The following ENTPD1 variants were observed in gnomAD, a reference collection of about 807,000 sequenced individuals.
ENTPD1 encodes the protein ectonucleoside triphosphate diphosphohydrolase 1, also known as ATP diphosphohydrolase.
ENTPD1 carries 33 observed loss-of-function variants against 57.0 expected under a neutral mutation model. The observed-to-expected ratio is 0.58, with a 90% CI of 0.44 to 0.77. ENTPD1 has a LOEUF of 0.77. Among genes scored for constraint, ENTPD1 ranks in the 30% least tolerant of loss-of-function variants. The probability of loss-of-function intolerance (pLI) is 0.00; values close to 1 mark genes in which losing one functional copy is unlikely to be tolerated. For missense variants in ENTPD1, 501 were observed against 603.4 expected (o/e 0.83, Z 1.78); for synonymous variants, 202 against 218.8 (o/e 0.92, Z 0.68).
chr10:95,835,231 G>C (rs2098406890), intron 2 of ENTPD1, among the ~76,000 whole-genome samples: 1 of 152,136 alleles, frequency 6.6e-6, no homozygotes, highest in Non-Finnish European at 1.5e-5. Flanking sequence ...TAGGGTAGTG[G>C]CCTCCAGCTG....
intron 1 of ENTPD1, among the ~76,000 whole-genome samples, chr10:95,735,960 G>T (rs1430919427): frequency 6.6e-6 from 1 of 151,446 alleles, no homozygotes; most frequent in Non-Finnish European, 1.5e-5. Flanking sequence ...AAAACAATAG[G>T]AGTTGTTACG....
intron 1 of ENTPD1, among the ~76,000 whole-genome samples, chr10:95,801,176 C>T (rs531349999): frequency 6.6e-6 from 1 of 152,194 alleles, no homozygotes; most frequent in Admixed American, 6.5e-5. Context: ...CTTCCTGCAA[C>T]AGCTGTGCCG....
At chr10:95,747,354 T>C (rs560889619) in intron 1 of ENTPD1, among the ~76,000 whole-genome samples, 32 of 152,356 alleles carry the variant, frequency 2.1e-4, no homozygotes, top group Non-Finnish European at 4.0e-4. Context: ...ATTCTTGGAA[T>C]TGGCAAAACA....
rs1230718025 is a variant in ENTPD1 at position 95,791,701 on chromosome 10, G to T, written c.17-31536G>T. ...GACTAAGTTAGAGGTTCACAAGGGAGAACTTTGGCTGTACATTAGAATCAC... is the reference window on the plus strand; with the variant it reads ...GACTAAGTTAGAGGTTCACAAGGGATAACTTTGGCTGTACATTAGAATCAC... On this transcript the variant is annotated intron_variant, in intron 1 of 9. Transcript: ENST00000371205. The surrounding 1 kb of genome is among the most constrained non-coding windows in gnomAD (Gnocchi z 4.1). 1.3e-5 allele frequency among the ~76,000 whole-genome samples: 2 copies of T among 152,122 alleles called. No homozygotes were observed. The highest frequency in any genetic ancestry group is 4.8e-5 in the African/African-American group (2 of 41,434).
intron 1 of ENTPD1, among the ~76,000 whole-genome samples, chr10:95,732,758 G>A (rs980637991): frequency 3.9e-5 from 6 of 152,030 alleles, no homozygotes; most frequent in African/African-American, 7.3e-5. Flanking sequence ...CACACATGTC[G>A]GCAGGTTCCA....
intron 1 of ENTPD1, among the ~76,000 whole-genome samples, chr10:95,784,029 C>T (rs938132924): frequency 1.3e-5 from 2 of 150,632 alleles, no homozygotes; most frequent in Non-Finnish European, 2.9e-5. Flanking sequence ...TTGTCTCTTT[C>T]GATTACTATA....
At chr10:95,777,952 A>G (rs961727155) in intron 1 of ENTPD1, among the ~76,000 whole-genome samples, 1 of 152,198 alleles carries the variant, frequency 6.6e-6, no homozygotes. Flanking sequence ...CCGCTGAACC[A>G]TGTGTGGGAT....
chr10:95,769,476 G>T (rs890880453), intron 1 of ENTPD1, among the ~76,000 whole-genome samples: 2 of 152,164 alleles, frequency 1.3e-5, no homozygotes, highest in African/African-American at 4.8e-5. Flanking sequence ...AGTGGAGAAA[G>T]CAAGGAGGTG....
At chr10:95,847,303 G>T in intron 6 of ENTPD1, 143 bp from the exon 7 acceptor site, 2 of 923,648 alleles carry the variant, frequency 2.2e-6, no homozygotes. Flanking sequence ...TATTCCTAAG[G>T]GTAAAAAGGC....
chr10:95,751,798 A>C (rs918695629), upstream of ENTPD1, among the ~76,000 whole-genome samples: 7 of 151,912 alleles, frequency 4.6e-5, no homozygotes, highest in Non-Finnish European at 8.8e-5. Flanking sequence ...TTTGGATGCT[A>C]AGTTTGAGCT....
In ENTPD1 at chr10:95,847,687, C is replaced by T. The variant is rs1452045240; in HGVS notation, c.1055C>T (p.Pro352Leu). 1 of 1,614,182 alleles carries T rather than the reference C, an allele frequency of 6.2e-7. No individual in the cohort carries two copies. The change falls in exon 7 of 10, where the codon CCA becomes CTA. Residue 352 changes from proline (P) to leucine (L), a missense_variant. Pro to Leu is a moderately conservative substitution (Grantham distance 98, BLOSUM62 -3). Transcript: ENST00000371205. ...GCCTTCAATGGGATTTTCTTGCCAC[C>T]ACTCCAGGGGGATTTTGGGGTAAGT... ...QCAFNGIFLP[P>L]LQGDFGAFSA...
chr10:95,750,954 C>T (rs1201596583), upstream of ENTPD1, among the ~76,000 whole-genome samples: 1 of 145,998 alleles, frequency 6.8e-6, no homozygotes, highest in Non-Finnish European at 1.5e-5. Flanking sequence ...ACCTGGGAGG[C>T]GGAGGTTGCA....
intron 2 of ENTPD1, among the ~76,000 whole-genome samples, chr10:95,826,965 G>A (rs556817371): frequency 3.0e-4 from 46 of 152,252 alleles, no homozygotes; most frequent in Admixed American, 1.4e-3. Flanking sequence ...AAAGCAGTTG[G>A]ATAATCAGAT....
the ENTPD1 span, among the ~76,000 whole-genome samples, chr10:95,700,449 G>A: frequency 1.3e-4 from 20 of 152,146 alleles, 1 homozygote; most frequent in Admixed American, 5.2e-4. Context: ...CAGGAGGATC[G>A]CTTGAGGCTG....
At chr10:95,850,876 C>G (rs951078615) in intron 7 of ENTPD1, among the ~76,000 whole-genome samples, 1 of 152,196 alleles carries the variant, frequency 6.6e-6, no homozygotes, top group African/African-American at 2.4e-5. Context: ...TGGGTGTTCT[C>G]AAGCCACAGA....
chr10:95,745,069 T>C (rs2098004587), intron 1 of ENTPD1, among the ~76,000 whole-genome samples: 1 of 152,240 alleles, frequency 6.6e-6, no homozygotes, highest in African/African-American at 2.4e-5. Context: ...ATGAGTACTT[T>C]GTTTGAAAAT....
intron 1 of ENTPD1, among the ~76,000 whole-genome samples, chr10:95,735,101 G>A (rs112850881): frequency 0.038 from 5,584 of 147,268 alleles, 148 homozygotes; most frequent in Non-Finnish European, 0.059. Context: ...GCACAATCTT[G>A]GCTCACTGCA....
At chr10:95,766,326 T>G (rs2140048042) in intron 1 of ENTPD1, among the ~76,000 whole-genome samples, 1 of 152,320 alleles carries the variant, frequency 6.6e-6, no homozygotes, top group African/African-American at 2.4e-5. Flanking sequence ...ATAGAATACT[T>G]TCAATTGTAG....
intron 1 of ENTPD1, among the ~76,000 whole-genome samples, chr10:95,734,907 A>G (rs1490797397): frequency 6.6e-5 from 10 of 152,172 alleles, no homozygotes; most frequent in Admixed American, 6.5e-4. Context: ...TTCAGAGCAG[A>G]GACCTCTGTG....
Sources: allele counts gnomAD v4.1 joint callset (sites outside exome capture counted in the v4.1 genomes callset), GRCh38; gene constraint gnomAD v4.1.1; non-coding constraint Gnocchi (gnomAD v3.1); transcripts MANE v1.5; gene names NCBI Gene and HGNC (gene_info 2026-07-23, HGNC 2026-07-21).